Variants in PDZRN3 observed in about 807,000 individuals in gnomAD.
PDZRN3 encodes PDZ domain containing ring finger 3, also known as E3 ubiquitin-protein ligase PDZRN3.
PDZRN3 carries 38 observed loss-of-function variants against 85.7 expected under a neutral mutation model. The observed-to-expected ratio is 0.44, with a 90% CI of 0.34 to 0.58. The LOEUF is 0.58. PDZRN3 is among the 20% of genes least tolerant of loss of function. The pLI is 0.01. For synonymous variants in PDZRN3, 759 were observed against 638.0 expected (o/e 1.19, Z -2.86); for missense variants, 1,629 against 1,506.4 (o/e 1.08, Z -1.35).
intron 5 of PDZRN3, among the ~76,000 whole-genome samples, chr3:73,397,789 C>T (rs1413940366): frequency 2.0e-5 from 3 of 152,198 alleles, no homozygotes; most frequent in African/African-American, 4.8e-5. Flanking sequence ...AGAGAAATGA[C>T]CTGGTGACAT....
chr3:73,624,867 G>A lies in PDZRN3; in HGVS notation c.-42C>T. On this transcript the variant is annotated 5_prime_UTR_variant, in exon 1 of 10. Coordinates refer to ENST00000263666, the MANE Select transcript of PDZRN3 (RefSeq NM_015009.3). ...CGGGGTCGCCGCCGGGCGGCCGGGC[G>A]CCCCCTCCCTCCCCACGAGGCGGCC... is the stretch of plus-strand genomic sequence containing the variant. 3.2e-6 allele frequency: 4 copies of A among 1,264,272 alleles called. No individual in the cohort carries two copies. Among genetic ancestry groups the A allele is most frequent in the East Asian group, 3.2e-5 (1 of 31,282 alleles). The allele number at this position is 1,264,272 out of a possible 1,614,324, so 78.3% of individuals were successfully genotyped here. A position where few individuals can be genotyped will look rare whatever the true frequency, so the allele number is the denominator to read the frequency against.
intron 3 of PDZRN3, among the ~76,000 whole-genome samples, chr3:73,589,064 T>G (rs78999637): frequency 6.6e-6 from 1 of 151,730 alleles, no homozygotes. Flanking sequence ...TTTTTTTTTT[T>G]TGAGACAGAG....
rs193073645 is a variant in PDZRN3, at chr3:73,563,602, A to G, written c.918+38752T>C. Among the ~76,000 whole-genome samples, 43 of 152,318 alleles carry G rather than the reference A, an allele frequency of 2.8e-4. No homozygotes were observed. In the East Asian group the frequency reaches 8.3e-3, roughly 29 times the overall value. ...ACATTTGCCTGCTGTGGGCTTCTGCAAATTTCCTATGGCAAACAGATTTTT... is the reference window on the plus strand; with the variant it reads ...ACATTTGCCTGCTGTGGGCTTCTGCGAATTTCCTATGGCAAACAGATTTTT... On this transcript the variant is annotated intron_variant, in intron 3 of 9. Transcript: ENST00000263666.
intron 3 of PDZRN3, among the ~76,000 whole-genome samples, chr3:73,440,241 A>G (rs917271382): frequency 1.3e-5 from 2 of 152,150 alleles, no homozygotes; most frequent in African/African-American, 4.8e-5. Flanking sequence ...GAGGAGGCAC[A>G]TGCTGAGCCC....
intron 3 of PDZRN3, among the ~76,000 whole-genome samples, chr3:73,545,202 G>A (rs919516808): frequency 1.3e-5 from 2 of 152,120 alleles, no homozygotes; most frequent in African/African-American, 4.8e-5. Context: ...CCACCACGAC[G>A]GATGGTGCTG....
intron 3 of PDZRN3, among the ~76,000 whole-genome samples, chr3:73,535,327 T>A (rs1199098183): frequency 1.3e-5 from 2 of 152,194 alleles, no homozygotes; most frequent in Admixed American, 6.5e-5. Context: ...TTTGTGATGA[T>A]CATGCATTTC....
intron 1 of PDZRN3, among the ~76,000 whole-genome samples, chr3:73,622,371 G>A (rs1460281363): frequency 6.6e-6 from 1 of 152,224 alleles, no homozygotes; most frequent in Non-Finnish European, 1.5e-5. Flanking sequence ...AGCAGACACA[G>A]GCCCTTGGGG....
chr3:73,556,215 GT>G (rs548054013), intron 3 of PDZRN3, among the ~76,000 whole-genome samples: 50 of 152,106 alleles, frequency 3.3e-4, no homozygotes, highest in African/African-American at 9.6e-4. Flanking sequence ...ATCTATGAAA[GT>G]TTTTCATTTG....
In PDZRN3 at chr3:73,624,422, T is replaced by A; in HGVS notation, c.404A>T (p.Asp135Val). 1 of 1,304,244 alleles carries A rather than the reference T, an allele frequency of 7.7e-7. No homozygotes were observed. The highest frequency in any genetic ancestry group is 9.7e-7 in the Non-Finnish European group (1 of 1,031,928). The allele number at this position is 1,304,244 out of a possible 1,614,324, so 80.8% of individuals were successfully genotyped here. A position where few individuals can be genotyped will look rare whatever the true frequency, so the allele number is the denominator to read the frequency against. The stretch of plus-strand genomic sequence containing the variant: ...CTGGCAGCGGCCCACTGGCCGCGCG[T>A]CGCAGGCGTCGCGCATGTGCGCCTC... ...DVEAHMRDACDARPVGRCQEG... is the reference protein window; with the variant it reads ...DVEAHMRDACVARPVGRCQEG... Residue 135 changes from aspartate to valine, a missense_variant, in exon 1 of 10, where the codon GAC becomes GTC. Asp to Val is a radical substitution (Grantham distance 152). Coordinates refer to ENST00000263666, the MANE Select transcript of PDZRN3 (RefSeq NM_015009.3).
chr3:73,541,343 T>G (rs182616322), intron 3 of PDZRN3, among the ~76,000 whole-genome samples: 23 of 152,352 alleles, frequency 1.5e-4, no homozygotes, highest in Middle Eastern at 6.8e-3. Flanking sequence ...ATGCCCAATA[T>G]AGCTAACATT....
At chr3:73,456,572 A>G (rs1702981947) in intron 3 of PDZRN3, among the ~76,000 whole-genome samples, 1 of 152,246 alleles carries the variant, frequency 6.6e-6, no homozygotes, top group African/African-American at 2.4e-5. Flanking sequence ...ATTTGAAGCC[A>G]GATGATGTTC....
At chr3:73,522,533 T>C (rs753972727) in intron 3 of PDZRN3, among the ~76,000 whole-genome samples, 1 of 152,202 alleles carries the variant, frequency 6.6e-6, no homozygotes, top group Non-Finnish European at 1.5e-5. Flanking sequence ...GGCACAATGG[T>C]AAGACCTCAG....
intron 3 of PDZRN3, among the ~76,000 whole-genome samples, chr3:73,595,548 GAAAAAA>G (rs1702419354): frequency 1.3e-5 from 2 of 152,090 alleles, no homozygotes; most frequent in African/African-American, 4.8e-5. Flanking sequence ...GAAAGAAAAT[GAAAAAA>G]TATATAATTA....
At chr3:73,621,741 G>C (rs909562105) in intron 1 of PDZRN3, 1 of 152,150 alleles carries the variant, frequency 6.6e-6, no homozygotes, top group Admixed American at 6.5e-5. Context: ...CTGGCACTGA[G>C]GTTGGTAAAA....
In PDZRN3 at chr3:73,384,648, C is replaced by A. The variant is rs758005771; in HGVS notation, c.1918G>T (p.Val640Leu). Reference sequence around the variant, plus strand: ...TCGCGGAAGCGCTCGCACTCGTCCACCGGGATCCCCAGGTAGTCGGCGTCC... The same window carrying A: ...TCGCGGAAGCGCTCGCACTCGTCCAACGGGATCCCCAGGTAGTCGGCGTCC... ...CTDADYLGIP[V>L]DECERFRELL... The change falls in exon 10 of 10, where the codon GTG (valine) becomes TTG (leucine). Residue 640 changes from valine (V) to leucine (L), a missense_variant. Coordinates refer to ENST00000263666, the MANE Select transcript of PDZRN3 (RefSeq NM_015009.3). 1.9e-6 allele frequency: 3 copies of A among 1,613,924 alleles called. No homozygotes were observed. The East Asian group carries it at 6.7e-5, about 36-fold the overall frequency.
At chr3:73,415,679 C>T (rs185200462) in intron 3 of PDZRN3, among the ~76,000 whole-genome samples, 1 of 152,248 alleles carries the variant, frequency 6.6e-6, no homozygotes, top group Admixed American at 6.5e-5. Flanking sequence ...TGATTTTGCA[C>T]AACTGCAGCT....
intron 3 of PDZRN3, among the ~76,000 whole-genome samples, chr3:73,481,329 A>T (rs928073469): frequency 9.9e-5 from 15 of 152,216 alleles, no homozygotes; most frequent in Non-Finnish European, 1.8e-4. Flanking sequence ...AATTAATAAA[A>T]TGTGTGAGGG....
At chr3:73,525,919 A>G (rs1159429057) in intron 3 of PDZRN3, among the ~76,000 whole-genome samples, 1 of 152,000 alleles carries the variant, frequency 6.6e-6, no homozygotes, top group Non-Finnish European at 1.5e-5. Context: ...TCCTTTCCCC[A>G]CTGGACTGTG....
chr3:73,433,394 G>C (rs187983165), intron 3 of PDZRN3, among the ~76,000 whole-genome samples: 1 of 152,370 alleles, frequency 6.6e-6, no homozygotes, highest in African/African-American at 2.4e-5. Context: ...AAGACTGCTT[G>C]AAACACATTT....
Sources: allele counts gnomAD v4.1 joint callset (sites outside exome capture counted in the v4.1 genomes callset), GRCh38; gene constraint gnomAD v4.1.1; transcripts MANE v1.5; gene names NCBI Gene and HGNC (gene_info 2026-07-23, HGNC 2026-07-21).